Variants in NIPSNAP1 observed in about 807,000 individuals in gnomAD.
NIPSNAP1 encodes the protein nipsnap homolog 1.
A neutral mutation model predicts 49.2 loss-of-function variants in NIPSNAP1; 25 were observed. The observed-to-expected ratio is 0.51, with a 90% CI of 0.37 to 0.71. NIPSNAP1 has a LOEUF of 0.71. Ranked by LOEUF, NIPSNAP1 falls within the 30% of genes least tolerant of loss-of-function variation. The probability of loss-of-function intolerance (pLI) is 0.00; values close to 1 mark genes in which losing one functional copy is unlikely to be tolerated. For missense variants in NIPSNAP1, 294 were observed against 361.0 expected, an observed-to-expected ratio of 0.81 and a Z score of 1.50; for synonymous variants, 143 against 140.7, an observed-to-expected ratio of 1.02 and a Z score of -0.12.
chr22:29,561,683 G>C, intron 5 of NIPSNAP1, 37 bp from the exon 6 acceptor site: 2 of 1,614,194 alleles, frequency 1.2e-6, no homozygotes, highest in East Asian at 4.5e-5. Flanking sequence ...CTACCAGGAA[G>C]TGCGCTCCAT....
At chr22:29,557,501 C>T (rs2064304446) in intron 9 of NIPSNAP1, among the ~76,000 whole-genome samples, 1 of 152,044 alleles carries the variant, frequency 6.6e-6, no homozygotes, top group Non-Finnish European at 1.5e-5. Flanking sequence ...AATCATGGCT[C>T]CCTGCAGCCT....
intron 8 of NIPSNAP1, among the ~76,000 whole-genome samples, chr22:29,560,279 C>G (rs1403355176): frequency 1.3e-5 from 2 of 149,864 alleles, no homozygotes; most frequent in East Asian, 3.9e-4. Flanking sequence ...GACGGAGTCT[C>G]GCTCTGTTGC....
At chr22:29,575,902 T>G (rs927527552) in intron 1 of NIPSNAP1, among the ~76,000 whole-genome samples, 4 of 151,830 alleles carry the variant, frequency 2.6e-5, no homozygotes, top group Non-Finnish European at 4.4e-5. Context: ...TTAGTAGAGA[T>G]GGGTTTTCAC....
At chr22:29,560,235 C>T (rs1279028286) in intron 8 of NIPSNAP1, among the ~76,000 whole-genome samples, 2 of 132,440 alleles carry the variant, frequency 1.5e-5, no homozygotes, top group Admixed American at 1.6e-4. Flanking sequence ...CATCATCTCT[C>T]CCTGCCTTTT....
At chr22:29,556,351 C>G (rs1458405582) in intron 9 of NIPSNAP1, among the ~76,000 whole-genome samples, 2 of 151,998 alleles carry the variant, frequency 1.3e-5, no homozygotes, top group African/African-American at 4.8e-5. Context: ...ATGGAGAAAC[C>G]CTCTCTCTAC....
chr22:29,578,947 T>C (rs1037996448), intron 1 of NIPSNAP1, among the ~76,000 whole-genome samples: 2 of 151,282 alleles, frequency 1.3e-5, no homozygotes, highest in African/African-American at 4.9e-5. Flanking sequence ...TAAAAGATGA[T>C]CTTCCCAGAG....
chr22:29,559,461 T>C (rs468795), intron 8 of NIPSNAP1, among the ~76,000 whole-genome samples: 129,573 of 151,846 alleles, frequency 0.85, 55,918 homozygotes, highest in African/African-American at 0.96. Context: ...CACTTGAACT[T>C]GGGAAGCGGA....
At chr22:29,579,575 G>A (rs1210513271) in intron 1 of NIPSNAP1, among the ~76,000 whole-genome samples, 6 of 151,724 alleles carry the variant, frequency 4.0e-5, no homozygotes, top group South Asian at 4.2e-4. Flanking sequence ...GATTACAGGC[G>A]TGAGCCACCG....
chr22:29,560,468 G>A (rs759540233), intron 8 of NIPSNAP1, among the ~76,000 whole-genome samples: 1 of 151,984 alleles, frequency 6.6e-6, no homozygotes, highest in African/African-American at 2.4e-5. Context: ...GGATGGTCTC[G>A]ATCTCTTGAC....
intron 4 of NIPSNAP1, among the ~76,000 whole-genome samples, chr22:29,563,655 G>A (rs998050417): frequency 1.3e-5 from 2 of 152,096 alleles, no homozygotes; most frequent in Non-Finnish European, 2.9e-5. Flanking sequence ...ATAGGTCTCT[G>A]TGGGTATAAT....
Position 29,555,013 on chromosome 22 carries a change from A to T in NIPSNAP1, c.*922T>A, listed in dbSNP as rs2064278553. 1 of 152,466 alleles carries T rather than the reference A, an allele frequency of 6.6e-6. No homozygotes were observed. Among genetic ancestry groups the T allele is most frequent in the Non-Finnish European group, 1.5e-5 (1 of 68,096 alleles). 9.4% of individuals were successfully genotyped at this position (152,466 alleles called of 1,614,324 possible). A position where few individuals can be genotyped will look rare whatever the true frequency, so the allele number is the denominator to read the frequency against. On this transcript the variant is annotated 3_prime_UTR_variant, in exon 10 of 10. Transcript: ENST00000216121. ...GGGCTGATAGAATGTCAATTAGGGG[A>T]GACAGGATACAGGGTGAGGGAACAG...
chr22:29,556,733 C>T lies in NIPSNAP1; in HGVS notation c.791-734G>A, dbSNP rs190925226. Among the ~76,000 whole-genome samples, 10 of 152,172 alleles carry T rather than the reference C, an allele frequency of 6.6e-5. No homozygotes were observed. The East Asian group carries it at 1.5e-3, about 24-fold the overall frequency. On this transcript the variant is annotated intron_variant, in intron 9 of 9. Coordinates refer to ENST00000216121, the MANE Select transcript of NIPSNAP1 (RefSeq NM_003634.4). ...TCTGATTTGGTAGGTTGCAGGAAGC[C>T]TGCGATTTGTTATTCTTGTTTGTTT...
chr22:29,558,520 T>C (rs1243485374), intron 9 of NIPSNAP1, among the ~76,000 whole-genome samples: 1 of 152,008 alleles, frequency 6.6e-6, no homozygotes, highest in Non-Finnish European at 1.5e-5. Flanking sequence ...GTTTGTAGAA[T>C]CTTCCGTTAT....
intron 3 of NIPSNAP1, chr22:29,569,747 C>T (rs1001571883): frequency 4.5e-5 from 15 of 331,598 alleles, no homozygotes; most frequent in East Asian, 7.9e-5. Flanking sequence ...TCCCAGCACT[C>T]GGAGGCCGAG....
rs553429312 is a variant in NIPSNAP1, at chr22:29,557,572, T to C, written c.790+1298A>G. ...CCTTCCAAGTAGCTGGGACTACAGATGGGAAACACCACGTCCTGCTAATTT... is the reference window on the plus strand; with the variant it reads ...CCTTCCAAGTAGCTGGGACTACAGACGGGAAACACCACGTCCTGCTAATTT... On this transcript the variant is annotated intron_variant, in intron 9 of 9. Transcript: ENST00000216121. Among the ~76,000 whole-genome samples, 13 of 152,206 alleles carry C rather than the reference T, an allele frequency of 8.5e-5. No homozygotes were observed. In the South Asian group the frequency reaches 2.5e-3, roughly 29 times the overall value.
intron 3 of NIPSNAP1, among the ~76,000 whole-genome samples, chr22:29,569,635 A>C (rs926192312): frequency 4.7e-5 from 7 of 149,582 alleles, no homozygotes; most frequent in African/African-American, 1.7e-4. Context: ...GCAATGGCGC[A>C]ATCTCGGCTC....
At chr22:29,557,835 A>T (rs986714335) in intron 9 of NIPSNAP1, among the ~76,000 whole-genome samples, 6 of 152,174 alleles carry the variant, frequency 3.9e-5, no homozygotes, top group African/African-American at 1.2e-4. Context: ...TGGCAAGGAC[A>T]GGCTCTTGTT....
At chr22:29,571,595 C>T (rs563114987) in intron 1 of NIPSNAP1, among the ~76,000 whole-genome samples, 9 of 152,280 alleles carry the variant, frequency 5.9e-5, no homozygotes, top group Non-Finnish European at 1.0e-4. Flanking sequence ...TCCCGCTCCA[C>T]AGCCTTGGTG....
chr22:29,570,564 G>A (rs763549538), intron 1 of NIPSNAP1, 32 bp from the exon 2 acceptor site: 24 of 1,600,636 alleles, frequency 1.5e-5, no homozygotes, highest in South Asian at 2.2e-5. Context: ...GGGGACGCGC[G>A]GAGGTTGGGG....
Sources: allele counts gnomAD v4.1 joint callset (sites outside exome capture counted in the v4.1 genomes callset), GRCh38; gene constraint gnomAD v4.1.1; transcripts MANE v1.5; gene names NCBI Gene and HGNC (gene_info 2026-07-23, HGNC 2026-07-21).